Variants in CSMD1 observed in about 807,000 individuals in gnomAD.
CSMD1 encodes CUB and sushi domain-containing protein 1.
CSMD1 carries 213 observed loss-of-function variants against 417.5 expected under a neutral mutation model. The observed-to-expected ratio is 0.51, with a 90% CI of 0.46 to 0.57. The LOEUF (loss-of-function observed/expected upper bound fraction) is 0.57, where lower values mean the gene tolerates loss of function less well. Ranked by LOEUF, CSMD1 falls within the 20% of genes least tolerant of loss-of-function variation. The pLI is 0.00. For synonymous variants in CSMD1, 2,862 were observed against 1,736.8 expected (o/e 1.65, Z -16.11); for missense variants, 6,923 against 4,529.7 (o/e 1.53, Z -15.17).
chr8:3,035,236 C>T (rs892832268), intron 50 of CSMD1, among the ~76,000 whole-genome samples: 4 of 152,262 alleles, frequency 2.6e-5, no homozygotes, highest in East Asian at 1.9e-4. Flanking sequence ...TACTGCAGAG[C>T]GCGGCTGCTC....
intron 10 of CSMD1, among the ~76,000 whole-genome samples, chr8:3,507,156 G>A (rs1301911583): frequency 1.3e-5 from 2 of 152,180 alleles, no homozygotes; most frequent in Non-Finnish European, 2.9e-5. Context: ...GAAAAGTGGT[G>A]ATTTAAGTGG....
chr8:3,155,659 G>A (rs953195124), intron 39 of CSMD1, among the ~76,000 whole-genome samples: 23 of 151,272 alleles, frequency 1.5e-4, no homozygotes, highest in East Asian at 2.0e-4. Flanking sequence ...GAGCCACCGC[G>A]CCCGGTCAAG....
intron 18 of CSMD1, among the ~76,000 whole-genome samples, chr8:3,374,439 T>G (rs537668611): frequency 1.3e-5 from 2 of 152,276 alleles, no homozygotes; most frequent in South Asian, 4.1e-4. Context: ...AAGTTTACAT[T>G]CTAATGGGGA....
intron 42 of CSMD1, among the ~76,000 whole-genome samples, chr8:3,115,825 G>C (rs957148278): frequency 1.2e-4 from 18 of 152,108 alleles, no homozygotes; most frequent in African/African-American, 4.3e-4. Context: ...TTTTAATAAA[G>C]ACATCGAGAA....
intron 25 of CSMD1, among the ~76,000 whole-genome samples, chr8:3,287,107 C>A (rs372782503): frequency 6.6e-6 from 1 of 151,968 alleles, no homozygotes; most frequent in South Asian, 2.1e-4. Flanking sequence ...TTGTTTTTAT[C>A]AGGTTTGTCA....
chr8:4,765,672 T>C (rs1812415686), intron 1 of CSMD1, among the ~76,000 whole-genome samples: 1 of 152,228 alleles, frequency 6.6e-6, no homozygotes, highest in South Asian at 2.1e-4. Flanking sequence ...CTTGCTGTGC[T>C]GGAGCAAACG....
At chr8:4,678,837 G>A (rs200483262) in intron 1 of CSMD1, among the ~76,000 whole-genome samples, 1 of 152,188 alleles carries the variant, frequency 6.6e-6, no homozygotes, top group East Asian at 1.9e-4. Flanking sequence ...TGCTATCAAT[G>A]TTTCCTCAGT....
At position 4,539,068 on chromosome 8, in the gene CSMD1, G is replaced by C. The variant is rs142337385; in HGVS notation, c.302+98274C>G. Among the ~76,000 whole-genome samples the C allele has an allele frequency of 2.6e-5, 4 of 152,262 alleles. 1 individual carries two copies. Among genetic ancestry groups the C allele is most frequent in the African/African-American group, 9.6e-5 (4 of 41,560 alleles). ...AGTGTTAGGTGCCAGAAAAATGTGT[G>C]GCTTTTGTTTTTCTTTTTAGAAATG... On this transcript the variant is annotated intron_variant, in intron 2 of 69. Coordinates refer to ENST00000635120, the MANE Select transcript of CSMD1 (RefSeq NM_033225.6).
In CSMD1 at chr8:2,950,125, C is replaced by A. The variant is rs567765454; in HGVS notation, c.10314+106G>T. 2.5e-3 allele frequency: 1,816 copies of A among 720,902 alleles called. 8 individuals are homozygous for A. Among genetic ancestry groups the A allele is most frequent in the Non-Finnish European group, 3.7e-3 (1,519 of 411,486 alleles). 44.7% of individuals were successfully genotyped at this position (720,902 alleles called of 1,614,324 possible). A position where few individuals can be genotyped will look rare whatever the true frequency, so the allele number is the denominator to read the frequency against. ...GGCAGCTGAGTTTTCAAGGGGCAGA[C>A]ACAAGACAGCTCTACTCAGAAGCCT... On this transcript the variant is annotated intron_variant, in intron 67 of 69. Transcript: ENST00000635120.
At chr8:4,210,535 T>C (rs985062148) in intron 3 of CSMD1, among the ~76,000 whole-genome samples, 1 of 152,218 alleles carries the variant, frequency 6.6e-6, no homozygotes, top group African/African-American at 2.4e-5. Context: ...TGGTTCATCT[T>C]TGACTTTTAA....
At chr8:4,980,868 C>A (rs1810851928) in intron 1 of CSMD1, among the ~76,000 whole-genome samples, 1 of 151,646 alleles carries the variant, frequency 6.6e-6, no homozygotes, top group Non-Finnish European at 1.5e-5. Flanking sequence ...CGCACCACTG[C>A]ACTCCAGCCT....
chr8:3,996,563 T>G (rs979125017), intron 5 of CSMD1, among the ~76,000 whole-genome samples: 3 of 152,314 alleles, frequency 2.0e-5, no homozygotes, highest in African/African-American at 4.8e-5. Context: ...CAGCTTTTGC[T>G]TCCATGAACT....
chr8:4,175,040 T>C (rs957002431), intron 3 of CSMD1, among the ~76,000 whole-genome samples: 2 of 151,846 alleles, frequency 1.3e-5, no homozygotes, highest in Non-Finnish European at 2.9e-5. Flanking sequence ...ATTACATTCC[T>C]TTCTAAGTGA....
intron 15 of CSMD1, among the ~76,000 whole-genome samples, chr8:3,404,723 A>T (rs575821205): frequency 2.6e-5 from 4 of 152,164 alleles, no homozygotes; most frequent in Non-Finnish European, 4.4e-5. Context: ...GCCTTTTTTT[A>T]GTGTTTTACA....
chr8:4,155,098 A>C (rs1054195637), intron 3 of CSMD1, among the ~76,000 whole-genome samples: 1 of 152,180 alleles, frequency 6.6e-6, no homozygotes, highest in East Asian at 1.9e-4. Context: ...TGCAATGCCT[A>C]CAGTGGCCAC....
chr8:3,881,902 T>C (rs1039192580), intron 5 of CSMD1, among the ~76,000 whole-genome samples: 2 of 152,168 alleles, frequency 1.3e-5, no homozygotes, highest in Non-Finnish European at 2.9e-5. Context: ...TGCATGTTCA[T>C]ACAGAAAAAG....
At chr8:4,091,683 T>G (rs932235745) in intron 3 of CSMD1, among the ~76,000 whole-genome samples, 4 of 152,174 alleles carry the variant, frequency 2.6e-5, no homozygotes, top group African/African-American at 9.7e-5. Flanking sequence ...CCCTAAAATC[T>G]GTGAAGACTT....
At chr8:4,720,613 C>T (rs1808990344) in intron 1 of CSMD1, among the ~76,000 whole-genome samples, 1 of 152,136 alleles carries the variant, frequency 6.6e-6, no homozygotes, top group South Asian at 2.1e-4. Flanking sequence ...GACAGGGTTT[C>T]ACCATGTTGG....
chr8:3,401,830 C>A (rs1051324264), intron 15 of CSMD1, among the ~76,000 whole-genome samples: 1 of 152,114 alleles, frequency 6.6e-6, no homozygotes, highest in African/African-American at 2.4e-5. Context: ...AAAAGACATT[C>A]CACCTGATGG....
Sources: gnomAD v4.1 joint callset for allele counts (sites outside exome capture counted in the v4.1 genomes callset) on GRCh38, gnomAD v4.1.1 for gene constraint, MANE v1.5 for transcripts, NCBI Gene and HGNC (gene_info 2026-07-23, HGNC 2026-07-21) for gene names.